The following ZNF75D variants were observed in gnomAD, a reference collection of about 807,000 sequenced individuals.
ZNF75D encodes zinc finger protein 75.
In ZNF75D, 33 loss-of-function variants were observed where a neutral mutation model predicts 33.3. The ratio of observed to expected loss-of-function variants is 0.99; its 90% CI spans 0.75 to 1.32. The LOEUF (loss-of-function observed/expected upper bound fraction) is 1.32. Among genes scored for constraint, ZNF75D ranks in the 40% most tolerant of loss-of-function variants. The pLI, the probability that ZNF75D is intolerant of heterozygous loss-of-function variation, is 0.00. For missense variants in ZNF75D, 338 were observed against 367.5 expected, an observed-to-expected ratio of 0.92 and a Z score of 0.66; for synonymous variants, 113 against 130.6, an observed-to-expected ratio of 0.87 and a Z score of 0.92.
chrX:135,273,208 T>C (rs1478286990), intron 1 of ZNF75D, among the ~76,000 whole-genome samples: 1 of 111,030 alleles, frequency 9.0e-6, no homozygotes, highest in African/African-American at 3.3e-5. Flanking sequence ...AACTCAGGAC[T>C]CTTGATGGGC....
chrX:135,302,736 C>A (rs1251831163), intron 1 of ZNF75D, among the ~76,000 whole-genome samples: 3 of 111,361 alleles, frequency 2.7e-5, no homozygotes, highest in African/African-American at 9.8e-5. Context: ...ATGGGCTAGC[C>A]AGTGAAGGGG....
chrX:135,248,910 C>A (rs1325348177), downstream of ZNF75D: 1 of 307,290 alleles, frequency 3.3e-6, no homozygotes, highest in East Asian at 1.0e-4. Flanking sequence ...CCATGTCCAG[C>A]CAAAAGCAGT....
At chrX:135,316,853 A>G (rs2084427136) in intron 1 of ZNF75D, among the ~76,000 whole-genome samples, 1 of 109,636 alleles carries the variant, frequency 9.1e-6, no homozygotes, top group Non-Finnish European at 1.9e-5. Context: ...TTTCTCATTC[A>G]TGTCCTAAAT....
intron 1 of ZNF75D, among the ~76,000 whole-genome samples, chrX:135,296,874 T>A (rs1556423134): frequency 8.9e-6 from 1 of 112,330 alleles, no homozygotes; most frequent in African/African-American, 3.2e-5. Context: ...TATCCTGTTG[T>A]CATATCCTGT....
intron 1 of ZNF75D, among the ~76,000 whole-genome samples, chrX:135,334,295 T>G (rs1278239779): frequency 1.8e-5 from 2 of 111,851 alleles, no homozygotes; most frequent in African/African-American, 6.5e-5. Context: ...GACCCTTCCC[T>G]GGGCCTGCTC....
chrX:135,292,407 T>A lies in ZNF75D; in HGVS notation c.478A>T (p.Lys160Ter). The A allele has an allele frequency of 5.8e-6, 7 of 1,211,253 alleles. No homozygotes were observed. Among genetic ancestry groups the A allele is most frequent in the Non-Finnish European group, 7.8e-6 (7 of 895,050 alleles). Residue 160 changes from lysine (K) to a stop codon, truncating the protein, a stop_gained, in exon 4 of 7, where the codon AAG becomes TAG. Coordinates refer to ENST00000370766, the MANE Select transcript of ZNF75D (RefSeq NM_007131.5). LOFTEE classifies it high-confidence loss of function. ...GGTTGGGGCTCTGCTGGCTTCCACT[T>A]GAAGCCTGGGGCCACTGCTGTTCCT... ...LGGTAVAPGF[K>*]WKPAEPQPMG...
At chrX:135,266,953 AG>A (rs1488412754) in intron 1 of ZNF75D, among the ~76,000 whole-genome samples, 1 of 112,071 alleles carries the variant, frequency 8.9e-6, no homozygotes, top group Non-Finnish European at 1.9e-5. Flanking sequence ...GAAATCAACA[AG>A]AAGATGAATT....
At chrX:135,295,077 T>C (rs537387589) in intron 2 of ZNF75D, among the ~76,000 whole-genome samples, 2 of 111,815 alleles carry the variant, frequency 1.8e-5, no homozygotes, top group African/African-American at 6.5e-5. Flanking sequence ...TCTTTATAGA[T>C]GGGAAGGGTC....
intron 1 of ZNF75D, among the ~76,000 whole-genome samples, chrX:135,307,323 G>A (rs1281976663): frequency 9.0e-6 from 1 of 110,967 alleles, no homozygotes; most frequent in African/African-American, 3.3e-5. Flanking sequence ...CGCTTTACAG[G>A]AACCTCAATT....
chrX:135,279,094 A>G (rs1273613766), intron 1 of ZNF75D, among the ~76,000 whole-genome samples: 1 of 111,815 alleles, frequency 8.9e-6, no homozygotes, highest in East Asian at 2.8e-4. Flanking sequence ...CTCTGGTAGA[A>G]TTCGGCTGTG....
intron 1 of ZNF75D, among the ~76,000 whole-genome samples, chrX:135,337,760 A>G (rs1373361075): frequency 9.0e-6 from 1 of 111,093 alleles, no homozygotes; most frequent in East Asian, 2.8e-4. Context: ...GTGAAGGAAA[A>G]CTGCTAAGAA....
chrX:135,259,747 A>G (rs1485051663), intron 1 of ZNF75D, among the ~76,000 whole-genome samples: 5 of 111,957 alleles, frequency 4.5e-5, no homozygotes, highest in African/African-American at 1.6e-4. Flanking sequence ...AAACAGGGAC[A>G]ATTTGACTTC....
At chrX:135,338,295 A>G (rs782104794) in intron 1 of ZNF75D, among the ~76,000 whole-genome samples, 2 of 111,536 alleles carry the variant, frequency 1.8e-5, no homozygotes, top group African/African-American at 3.3e-5. Flanking sequence ...AGGACTCTAG[A>G]CAGCTGGGGC....
At chrX:135,314,318 T>C (rs1556430321) in intron 1 of ZNF75D, among the ~76,000 whole-genome samples, 1 of 112,147 alleles carries the variant, frequency 8.9e-6, no homozygotes, top group East Asian at 2.8e-4. Flanking sequence ...TGTTAAACCA[T>C]CCTTACATTT....
intron 1 of ZNF75D, among the ~76,000 whole-genome samples, chrX:135,322,763 A>T (rs1401247653): frequency 8.9e-6 from 1 of 112,530 alleles, no homozygotes; most frequent in Non-Finnish European, 1.9e-5. Context: ...GAGTCTGAGT[A>T]TCCATGCCCA....
chrX:135,292,636 C>G (rs782171576), intron 3 of ZNF75D, among the ~76,000 whole-genome samples, 163 bp from the exon 4 acceptor site: 1 of 112,183 alleles, frequency 8.9e-6, no homozygotes, highest in Non-Finnish European at 1.9e-5. Context: ...TCATAAAGAA[C>G]TATACTCAAA....
intron 1 of ZNF75D, among the ~76,000 whole-genome samples, chrX:135,280,516 T>G (rs2083916309): frequency 8.9e-6 from 1 of 111,983 alleles, no homozygotes; most frequent in Non-Finnish European, 1.9e-5. Flanking sequence ...ATGTGTGAAT[T>G]TGATCCTGTC....
intron 6 of ZNF75D, among the ~76,000 whole-genome samples, chrX:135,288,150 C>A (rs1462375216): frequency 1.8e-5 from 2 of 112,029 alleles, no homozygotes; most frequent in Admixed American, 1.9e-4. Context: ...TCCCCACACC[C>A]AACAGAAGAA....
chrX:135,256,923 C>T (rs2083804879), intron 1 of ZNF75D, among the ~76,000 whole-genome samples: 1 of 111,662 alleles, frequency 9.0e-6, no homozygotes, highest in Admixed American at 9.5e-5. Context: ...TTTCTAGATG[C>T]ACACTAGGCC....
Sources: gnomAD v4.1 joint callset for allele counts (sites outside exome capture counted in the v4.1 genomes callset) on GRCh38, gnomAD v4.1.1 for gene constraint, MANE v1.5 for transcripts, NCBI Gene and HGNC (gene_info 2026-07-23, HGNC 2026-07-21) for gene names.